Variants in AUH observed in about 807,000 individuals in gnomAD.
AUH encodes the protein AU RNA binding methylglutaconyl-CoA hydratase.
Under a neutral mutation model 42.3 loss-of-function variants are expected in AUH, and 29 were observed. The observed-to-expected ratio is 0.69, with a 90% CI of 0.51 to 0.93. The LOEUF is 0.93. Ranked by LOEUF, AUH falls within the 40% of genes least tolerant of loss-of-function variation. AUH has a pLI of 0.00. For synonymous variants in AUH, 174 were observed against 166.4 expected, an observed-to-expected ratio of 1.05 and a Z score of -0.35; for missense variants, 452 against 438.1, an observed-to-expected ratio of 1.03 and a Z score of -0.28.
intron 4 of AUH, among the ~76,000 whole-genome samples, chr9:91,313,821 CTCTTTT>C (rs1828919664): frequency 8.9e-6 from 1 of 112,316 alleles, no homozygotes; most frequent in African/African-American, 4.2e-5. Flanking sequence ...TCCATAAACG[CTCTTTT>C]TTTTTTTTTT....
chr9:91,307,428 G>A (rs1405524100), intron 4 of AUH, among the ~76,000 whole-genome samples: 3 of 152,122 alleles, frequency 2.0e-5, no homozygotes, highest in Non-Finnish European at 2.9e-5. Context: ...CTCCCCTTAC[G>A]TGCGGTTTCA....
At chr9:91,349,154 T>G (rs1831756645) in intron 3 of AUH, among the ~76,000 whole-genome samples, 1 of 152,190 alleles carries the variant, frequency 6.6e-6, no homozygotes, top group East Asian at 1.9e-4. Context: ...CATGACATTT[T>G]TATCCATATG....
intron 6 of AUH, among the ~76,000 whole-genome samples, chr9:91,283,128 T>G (rs1460309187): frequency 6.6e-6 from 1 of 152,188 alleles, no homozygotes; most frequent in Non-Finnish European, 1.5e-5. Flanking sequence ...TCAAGTGGGC[T>G]TCATCCCTGG....
Position 91,216,205 on chromosome 9 carries a change from C to T in AUH, c.895-99G>A, listed in dbSNP as rs1364827065. 4 of 1,195,080 alleles carry T rather than the reference C, an allele frequency of 3.3e-6. No homozygotes were observed. In the East Asian group the frequency reaches 7.2e-5, roughly 21 times the overall value. 74.0% of individuals were successfully genotyped at this position (1,195,080 alleles called of 1,614,324 possible). A position where few individuals can be genotyped will look rare whatever the true frequency, so the allele number is the denominator to read the frequency against. On this transcript the variant is annotated intron_variant, in intron 8 of 9. Coordinates refer to ENST00000375731, the MANE Select transcript of AUH (RefSeq NM_001698.3). ...TTGAATAACCTTATCCCCAAAGCAC[C>T]CAATCCTTTGATATAGTACAGCAGA... is the stretch of plus-strand genomic sequence containing the variant.
At chr9:91,280,025 T>C (rs16907358) in intron 6 of AUH, among the ~76,000 whole-genome samples, 39,123 of 152,022 alleles carry the variant, frequency 0.26, 5,745 homozygotes, top group African/African-American at 0.39. Flanking sequence ...CTGAAATATC[T>C]CTCTGATGGT....
intron 1 of AUH, among the ~76,000 whole-genome samples, chr9:91,359,227 C>T (rs907669636): frequency 7.9e-5 from 12 of 152,098 alleles, no homozygotes; most frequent in Non-Finnish European, 1.3e-4. Flanking sequence ...TCTGCTTATA[C>T]AAAATGAAAA....
At chr9:91,229,063 A>G (rs1358436155) in intron 6 of AUH, among the ~76,000 whole-genome samples, 1 of 151,290 alleles carries the variant, frequency 6.6e-6, no homozygotes, top group Non-Finnish European at 1.5e-5. Context: ...GTAGATGTCT[A>G]TTAGGTCCTC....
chr9:91,342,235 GC>G (rs1831158342), intron 3 of AUH, among the ~76,000 whole-genome samples: 1 of 152,130 alleles, frequency 6.6e-6, no homozygotes, highest in East Asian at 1.9e-4. Flanking sequence ...TTGGCTCATG[GC>G]CCCTTCCTTG....
At chr9:91,320,551 A>AT (rs1829489381) in intron 4 of AUH, among the ~76,000 whole-genome samples, 2 of 152,182 alleles carry the variant, frequency 1.3e-5, no homozygotes, top group South Asian at 4.1e-4. Context: ...TTTTTTGTCT[A>AT]TAAATTTGTT....
chr9:91,345,660 C>T (rs1309271248), intron 3 of AUH, among the ~76,000 whole-genome samples: 13 of 151,582 alleles, frequency 8.6e-5, no homozygotes, highest in Non-Finnish European at 1.5e-4. Flanking sequence ...GGTGAAACCC[C>T]GTCTCTACTA....
chr9:91,256,701 C>T (rs541128071), intron 6 of AUH, among the ~76,000 whole-genome samples: 11 of 151,986 alleles, frequency 7.2e-5, no homozygotes, highest in Non-Finnish European at 1.6e-4. Flanking sequence ...ACTGCACAGC[C>T]CCTCCTTCTA....
At chr9:91,325,948 C>T (rs1431695723) in intron 3 of AUH, among the ~76,000 whole-genome samples, 1 of 152,076 alleles carries the variant, frequency 6.6e-6, no homozygotes, top group East Asian at 1.9e-4. Context: ...GGACTGTCAA[C>T]CACAAGGGAG....
intron 6 of AUH, among the ~76,000 whole-genome samples, chr9:91,243,735 G>A (rs910204372): frequency 2.0e-5 from 3 of 152,178 alleles, no homozygotes; most frequent in African/African-American, 7.2e-5. Flanking sequence ...AGCCCGGGTG[G>A]AGCAGCCCAC....
At chr9:91,258,473 G>A (rs1421979020) in intron 6 of AUH, among the ~76,000 whole-genome samples, 1 of 152,156 alleles carries the variant, frequency 6.6e-6, no homozygotes, top group Non-Finnish European at 1.5e-5. Context: ...GACTTCAGGT[G>A]ATCCACCCGC....
intron 6 of AUH, among the ~76,000 whole-genome samples, chr9:91,239,152 TTC>T (rs1828355157): frequency 7.1e-6 from 1 of 140,804 alleles, no homozygotes; most frequent in Non-Finnish European, 1.5e-5. Context: ...AAGCTTTTTG[TTC>T]TGTTTTTTTT....
chr9:91,300,150 C>T (rs1461963323), intron 4 of AUH, among the ~76,000 whole-genome samples: 1 of 152,072 alleles, frequency 6.6e-6, no homozygotes, highest in Non-Finnish European at 1.5e-5. Flanking sequence ...CTGCTGGGTC[C>T]CTCATTTTTC....
At position 91,217,774 on chromosome 9, in the gene AUH, A is replaced by G. The variant is rs1826908120; in HGVS notation, c.844-447T>C. ...ATATCATCTCCTTCAGACACTGGCTATATTTCCTCCATTCGCCTTGACAAC... is the reference window on the plus strand; with the variant it reads ...ATATCATCTCCTTCAGACACTGGCTGTATTTCCTCCATTCGCCTTGACAAC... On this transcript the variant is annotated intron_variant, in intron 7 of 9. Transcript: ENST00000375731. Among the ~76,000 whole-genome samples, 6 of 152,316 alleles carry G rather than the reference A, an allele frequency of 3.9e-5. No individual in the cohort carries two copies. The South Asian group carries it at 1.0e-3, about 26-fold the overall frequency.
At chr9:91,347,893 G>A (rs955566327) in intron 3 of AUH, among the ~76,000 whole-genome samples, 1 of 151,746 alleles carries the variant, frequency 6.6e-6, no homozygotes, top group African/African-American at 2.4e-5. Context: ...TTGTGCACAC[G>A]TACCCTAGAA....
chr9:91,253,610 A>G (rs1232862446), intron 6 of AUH, among the ~76,000 whole-genome samples: 1 of 152,220 alleles, frequency 6.6e-6, no homozygotes, highest in Non-Finnish European at 1.5e-5. Flanking sequence ...TGTAATGAGG[A>G]GCTGACTTTC....
Sources: allele counts gnomAD v4.1 joint callset (sites outside exome capture counted in the v4.1 genomes callset), GRCh38; gene constraint gnomAD v4.1.1; transcripts MANE v1.5; gene names NCBI Gene and HGNC (gene_info 2026-07-23, HGNC 2026-07-21).